The following RBFOX1 variants were observed in gnomAD, a reference collection of about 807,000 sequenced individuals.
RBFOX1 encodes the protein RNA binding protein fox-1 homolog 1.
In RBFOX1, 8 loss-of-function variants were observed where a neutral mutation model predicts 57.7. The observed-to-expected ratio is 0.14, with a 90% confidence interval of 0.08 to 0.25. RBFOX1 has a LOEUF of 0.25. Ranked by LOEUF, RBFOX1 falls within the 10% of genes least tolerant of loss-of-function variation. The pLI, the probability that RBFOX1 is intolerant of heterozygous loss-of-function variation, is 1.00. For synonymous variants in RBFOX1, 326 were observed against 222.4 expected, an observed-to-expected ratio of 1.47 and a Z score of -4.15; for missense variants, 611 against 548.5, an observed-to-expected ratio of 1.11 and a Z score of -1.14.
chr16:7,191,965 C>T (rs1253774068), intron 4 of RBFOX1, among the ~76,000 whole-genome samples: 1 of 152,238 alleles, frequency 6.6e-6, no homozygotes. Flanking sequence ...CCGTCTCCCT[C>T]TAAGGAGGGC....
At chr16:5,751,306 A>G (rs1310790515) in intron 3 of RBFOX1, among the ~76,000 whole-genome samples, 2 of 152,052 alleles carry the variant, frequency 1.3e-5, no homozygotes, top group Non-Finnish European at 1.5e-5. Context: ...TTCACTCATG[A>G]GTAATTAACA....
At chr16:6,984,314 C>T (rs928703229) in intron 3 of RBFOX1, among the ~76,000 whole-genome samples, 3 of 152,090 alleles carry the variant, frequency 2.0e-5, no homozygotes, top group African/African-American at 7.2e-5. Flanking sequence ...ATTTGACCAG[C>T]CCTTTGATCT....
At chr16:6,098,624 C>G (rs1424847382) in intron 1 of RBFOX1, among the ~76,000 whole-genome samples, 1 of 152,236 alleles carries the variant, frequency 6.6e-6, no homozygotes, top group African/African-American at 2.4e-5. Flanking sequence ...CATGCACATT[C>G]TCTGTATTAT....
intron 2 of RBFOX1, among the ~76,000 whole-genome samples, chr16:6,337,930 T>G (rs777995274): frequency 1.3e-5 from 2 of 152,188 alleles, no homozygotes; most frequent in African/African-American, 4.8e-5. Context: ...TCAGTCCCAA[T>G]GCATGCCAAA....
At chr16:7,394,856 T>C (rs936221777) in intron 4 of RBFOX1, among the ~76,000 whole-genome samples, 3 of 152,206 alleles carry the variant, frequency 2.0e-5, no homozygotes, top group Non-Finnish European at 4.4e-5. Flanking sequence ...ATCCGTCTAC[T>C]TCCACGATCC....
chr16:6,738,333 C>T (rs1416956254), intron 3 of RBFOX1, among the ~76,000 whole-genome samples: 2 of 152,012 alleles, frequency 1.3e-5, no homozygotes, highest in African/African-American at 2.4e-5. Context: ...GCCTGGAGTA[C>T]TCCCTGTATT....
intron 2 of RBFOX1, among the ~76,000 whole-genome samples, chr16:6,528,089 A>G (rs1048882047): frequency 5.9e-5 from 9 of 152,160 alleles, no homozygotes; most frequent in Non-Finnish European, 1.3e-4. Flanking sequence ...TGTCACCTTC[A>G]GGAAACCTTT....
At chr16:6,028,509 T>TAAAAAA (rs36218292) in intron 1 of RBFOX1, among the ~76,000 whole-genome samples, 28 of 104,516 alleles carry the variant, frequency 2.7e-4, no homozygotes, top group African/African-American at 8.4e-4. Flanking sequence ...CTGTCTCTGT[T>TAAAAAA]AAAAAAAAAA....
chr16:5,864,547 G>GT (rs57100340), intron 3 of RBFOX1, among the ~76,000 whole-genome samples: 143,854 of 145,322 alleles, frequency 0.99, 71,196 homozygotes, highest in South Asian at 1. Flanking sequence ...ACATACTTGA[G>GT]TTTTTTTTTT....
intron 1 of RBFOX1, among the ~76,000 whole-genome samples, chr16:6,067,471 A>T (rs1334295252): frequency 6.6e-6 from 1 of 152,208 alleles, no homozygotes; most frequent in Non-Finnish European, 1.5e-5. Context: ...ATAAGATAGA[A>T]ATAAATCACT....
At chr16:7,574,605 T>G (rs1333792752) in intron 5 of RBFOX1, among the ~76,000 whole-genome samples, 2 of 152,138 alleles carry the variant, frequency 1.3e-5, no homozygotes, top group East Asian at 1.9e-4. Context: ...CAGTCTAGTC[T>G]TTGCATGTTC....
At chr16:7,039,848 C>T (rs1019439792) in intron 3 of RBFOX1, among the ~76,000 whole-genome samples, 5 of 152,070 alleles carry the variant, frequency 3.3e-5, no homozygotes, top group African/African-American at 9.7e-5. Flanking sequence ...CGAGGCAAAG[C>T]GACCTCTCTC....
intron 1 of RBFOX1, among the ~76,000 whole-genome samples, chr16:5,350,970 A>C (rs951779138): frequency 2.0e-5 from 3 of 152,196 alleles, no homozygotes; most frequent in African/African-American, 4.8e-5. Flanking sequence ...ATTGGTGAGA[A>C]CTGTAGAAAT....
chr16:6,886,661 A>G (rs374206915), intron 3 of RBFOX1, among the ~76,000 whole-genome samples: 1 of 151,976 alleles, frequency 6.6e-6, no homozygotes, highest in East Asian at 2.0e-4. Context: ...AGGCTGAGGC[A>G]CAAGAATCGC....
chr16:7,000,682 G>A (rs1404148844), intron 3 of RBFOX1, among the ~76,000 whole-genome samples: 1 of 128,758 alleles, frequency 7.8e-6, no homozygotes, highest in East Asian at 2.7e-4. Flanking sequence ...TCGGCTCACT[G>A]CAACCTCTGC....
At chr16:6,686,854 G>C (rs7204849) in intron 3 of RBFOX1, among the ~76,000 whole-genome samples, 125,250 of 152,200 alleles carry the variant, frequency 0.82, 51,630 homozygotes, top group East Asian at 0.83. Flanking sequence ...CTGCTACTGT[G>C]TTGTATTTTG....
chr16:6,106,356 C>T (rs140854432), intron 1 of RBFOX1, among the ~76,000 whole-genome samples: 2 of 149,642 alleles, frequency 1.3e-5, no homozygotes, highest in African/African-American at 4.9e-5. Flanking sequence ...AGCTACTCCA[C>T]TAGGGAGGCT....
At chr16:6,847,114 C>A (rs1490765541) in intron 3 of RBFOX1, among the ~76,000 whole-genome samples, 1 of 152,192 alleles carries the variant, frequency 6.6e-6, no homozygotes, top group Non-Finnish European at 1.5e-5. Context: ...TCAGTCAACC[C>A]TGCTCAGAGA....
chr16:6,817,644 A>C (rs574714415), intron 3 of RBFOX1, among the ~76,000 whole-genome samples: 1 of 151,942 alleles, frequency 6.6e-6, no homozygotes, highest in African/African-American at 2.4e-5. Flanking sequence ...AGGAGGTTGC[A>C]GTGAGCTGAG....
Sources: allele counts gnomAD v4.1 joint callset (sites outside exome capture counted in the v4.1 genomes callset), GRCh38; gene constraint gnomAD v4.1.1; transcripts MANE v1.5; gene names NCBI Gene and HGNC (gene_info 2026-07-23, HGNC 2026-07-21).